The following MAGI2 variants were observed in gnomAD, a reference collection of about 807,000 sequenced individuals.
The protein encoded by MAGI2 is membrane associated guanylate kinase, WW and PDZ domain containing 2.
A neutral mutation model predicts 133.3 loss-of-function variants in MAGI2; 35 were observed. That is an observed-to-expected ratio of 0.26 (90% CI 0.20 to 0.35). The LOEUF is 0.35. Ranked by LOEUF, MAGI2 falls within the 10% of genes least tolerant of loss-of-function variation. The probability of loss-of-function intolerance (pLI) is 1.00; values close to 1 mark genes in which losing one functional copy is unlikely to be tolerated. For synonymous variants in MAGI2, 729 were observed against 710.6 expected (o/e 1.03, Z -0.41); for missense variants, 1,636 against 1,863.4 (o/e 0.88, Z 2.25).
intron 2 of MAGI2, among the ~76,000 whole-genome samples, chr7:78,866,598 G>C (rs576943230): frequency 4.6e-5 from 7 of 151,852 alleles, no homozygotes; most frequent in African/African-American, 1.7e-4. Flanking sequence ...CCTGCTTATC[G>C]GGGCTGCTGG....
intron 9 of MAGI2, among the ~76,000 whole-genome samples, chr7:78,304,241 C>CT (rs927890694): frequency 6.6e-6 from 1 of 152,186 alleles, no homozygotes; most frequent in African/African-American, 2.4e-5. Context: ...TTCCAGCTCA[C>CT]TCAGAATAAA....
At chr7:78,298,510 C>CTGTT (rs1259483293) in intron 9 of MAGI2, among the ~76,000 whole-genome samples, 1 of 152,126 alleles carries the variant, frequency 6.6e-6, no homozygotes, top group African/African-American at 2.4e-5. Flanking sequence ...AAATCCAAAA[C>CTGTT]TGTTATTGTG....
chr7:78,906,804 A>ACACACATATGTATATATGTGTATG (rs1474146075), intron 2 of MAGI2, among the ~76,000 whole-genome samples: 1 of 152,192 alleles, frequency 6.6e-6, no homozygotes, highest in Non-Finnish European at 1.5e-5. Context: ...ACACACACAT[A>ACACACATATGTATATATGTGTATG]CACACATATG....
At chr7:78,076,315 G>A (rs1340310216) in intron 21 of MAGI2, among the ~76,000 whole-genome samples, 1 of 151,904 alleles carries the variant, frequency 6.6e-6, no homozygotes, top group Non-Finnish European at 1.5e-5. Context: ...ACAATTAGCT[G>A]GGCATTGGTG....
intron 2 of MAGI2, among the ~76,000 whole-genome samples, chr7:78,951,734 T>C (rs1318407782): frequency 6.6e-6 from 1 of 152,212 alleles, no homozygotes; most frequent in African/African-American, 2.4e-5. Context: ...AAAAATTTTC[T>C]TTTAATTCAT....
intron 21 of MAGI2, among the ~76,000 whole-genome samples, chr7:78,041,172 G>T (rs979237652): frequency 1.1e-4 from 17 of 152,262 alleles, no homozygotes; most frequent in African/African-American, 3.9e-4. Flanking sequence ...GCGATGGAAG[G>T]CTCCTTCAGC....
chr7:79,093,692 CTCTT>C (rs1189831112), intron 1 of MAGI2, among the ~76,000 whole-genome samples: 2 of 147,648 alleles, frequency 1.4e-5, no homozygotes, highest in African/African-American at 2.5e-5. Flanking sequence ...CTTTCTCTTT[CTCTT>C]TCTTTTTCTT....
intron 1 of MAGI2, among the ~76,000 whole-genome samples, chr7:79,423,672 T>C (rs1847134044): frequency 6.6e-6 from 1 of 152,142 alleles, no homozygotes; most frequent in African/African-American, 2.4e-5. Flanking sequence ...GTTTTGAAGA[T>C]ATCTGATGTT....
chr7:78,968,860 A>G (rs1803543312), intron 2 of MAGI2, among the ~76,000 whole-genome samples: 1 of 152,086 alleles, frequency 6.6e-6, no homozygotes, highest in Admixed American at 6.6e-5. Context: ...TTTCTTTGCA[A>G]ATTCAGCTGC....
At chr7:78,062,727 C>T (rs900305780) in intron 21 of MAGI2, among the ~76,000 whole-genome samples, 20 of 152,178 alleles carry the variant, frequency 1.3e-4, no homozygotes, top group African/African-American at 2.2e-4. Context: ...CCAAATGCTC[C>T]GGCTCCAGCT....
intron 1 of MAGI2, among the ~76,000 whole-genome samples, chr7:79,198,226 C>T (rs1264868624): frequency 1.3e-5 from 2 of 151,496 alleles, no homozygotes; most frequent in Admixed American, 1.3e-4. Context: ...GCACTCCTGC[C>T]TGGGTGACAG....
intron 2 of MAGI2, among the ~76,000 whole-genome samples, chr7:78,790,247 T>G (rs191359620): frequency 6.6e-6 from 1 of 152,284 alleles, no homozygotes; most frequent in East Asian, 1.9e-4. Context: ...GGCATGAAAG[T>G]GGCTGTCTTA....
intron 1 of MAGI2, among the ~76,000 whole-genome samples, chr7:79,280,184 C>T (rs1835526156): frequency 6.6e-6 from 1 of 152,092 alleles, no homozygotes. Context: ...CACATGTGAA[C>T]ATTTAACATG....
intron 10 of MAGI2, chr7:78,251,283 A>T (rs1390290852): frequency 1.3e-5 from 2 of 152,224 alleles, no homozygotes; most frequent in Non-Finnish European, 2.9e-5. Flanking sequence ...AGATGTAATG[A>T]TGCAAGACTA....
chr7:79,238,632 A>T (rs1003984575), intron 1 of MAGI2, among the ~76,000 whole-genome samples: 8 of 152,198 alleles, frequency 5.3e-5, no homozygotes, highest in African/African-American at 1.9e-4. Context: ...GTCAGTACAT[A>T]TGAAGTATCT....
At chr7:78,171,760 T>G (rs1826129542) in intron 14 of MAGI2, among the ~76,000 whole-genome samples, 1 of 152,200 alleles carries the variant, frequency 6.6e-6, no homozygotes, top group South Asian at 2.1e-4. Context: ...CAGTGAACCT[T>G]CCAGCCAACT....
chr7:78,938,049 T>C (rs1406215859), intron 2 of MAGI2, among the ~76,000 whole-genome samples: 1 of 152,166 alleles, frequency 6.6e-6, no homozygotes, highest in Non-Finnish European at 1.5e-5. Flanking sequence ...AAATATTGTA[T>C]GGCAAAATAT....
chr7:79,149,205 C>T (rs188572256), intron 1 of MAGI2, among the ~76,000 whole-genome samples: 7 of 147,630 alleles, frequency 4.7e-5, no homozygotes, highest in East Asian at 3.9e-4. Context: ...ATATATAGAG[C>T]GAGAGAGAAC....
chr7:78,563,705 C>T (rs1049003706), intron 3 of MAGI2, among the ~76,000 whole-genome samples: 4 of 152,214 alleles, frequency 2.6e-5, no homozygotes, highest in African/African-American at 7.2e-5. Context: ...ACAAAATGCC[C>T]ATGTGCTTTT....
Sources: gnomAD v4.1 joint callset for allele counts (sites outside exome capture counted in the v4.1 genomes callset) on GRCh38, gnomAD v4.1.1 for gene constraint, MANE v1.5 for transcripts, NCBI Gene and HGNC (gene_info 2026-07-23, HGNC 2026-07-21) for gene names.